The following DLG4 variants were observed in gnomAD, a reference collection of about 807,000 sequenced individuals.
The protein encoded by DLG4 is disks large homolog 4.
In DLG4, 7 loss-of-function variants were observed where a neutral mutation model predicts 93.8. The observed-to-expected ratio is 0.07, with a 90% confidence interval of 0.04 to 0.14. The LOEUF (loss-of-function observed/expected upper bound fraction) is 0.14. Ranked by LOEUF, DLG4 falls within the 10% of genes least tolerant of loss-of-function variation. The pLI is 1.00. For missense variants in DLG4, 545 were observed against 992.9 expected (o/e 0.55, Z 6.06); for synonymous variants, 341 against 387.6 (o/e 0.88, Z 1.41).
rs773424801 is a variant in DLG4, at chr17:7,196,669, C to T, written c.1083+88G>A. 4.0e-4 allele frequency: 629 copies of T among 1,584,566 alleles called. 1 individual carries two copies. In the Middle Eastern group the frequency reaches 5.2e-3, roughly 13 times the overall value. On this transcript the variant is annotated intron_variant, in intron 9 of 19. Transcript: ENST00000399506. The surrounding 1 kb of genome is among the most constrained non-coding windows in gnomAD (Gnocchi z 8.3). ...GGAGTGGTCCCGCAAGAGGACTCGG[C>T]TGCAGCCCATCCAGGCCCCTCCCCA... is the stretch of plus-strand genomic sequence containing the variant.
At chr17:7,198,931 G>T (rs1027014615) in intron 8 of DLG4, among the ~76,000 whole-genome samples, 1 of 151,704 alleles carries the variant, frequency 6.6e-6, no homozygotes. Flanking sequence ...TGGGAGGATC[G>T]CTTGAGCCCA....
Position 7,192,820 on chromosome 17 carries a change from G to A in DLG4, c.1866+125C>T. On this transcript the variant is annotated intron_variant, in intron 17 of 19. Transcript: ENST00000399506. The stretch of plus-strand genomic sequence containing the variant: ...AGTTGCCCAAGAGGAGAAGGAGGTG[G>A]AGGAGCGGAGTGGAGACCCAGCAGG... 8 of 1,056,602 alleles carry A rather than the reference G, an allele frequency of 7.6e-6. 1 individual carries two copies. In the South Asian group the frequency reaches 1.3e-4, roughly 17 times the overall value. 65.5% of individuals were successfully genotyped at this position (1,056,602 alleles called of 1,614,324 possible).
At chr17:7,219,287 C>A, upstream of DLG4, 1 of 621,060 alleles carries the variant, frequency 1.6e-6, no homozygotes, top group Non-Finnish European at 2.1e-6. Context: ...CGGGAGGAAT[C>A]CATCTGCCTG....
At chr17:7,213,316 T>C (rs1597495475) in intron 1 of DLG4, among the ~76,000 whole-genome samples, 1 of 151,914 alleles carries the variant, frequency 6.6e-6, no homozygotes, top group Admixed American at 6.6e-5. Flanking sequence ...GCCAGGCTGG[T>C]CTCGAACTCG....
chr17:7,192,626 C>G lies in DLG4; in HGVS notation c.1866+319G>C, dbSNP rs554068447. ...GGGAGTCAGGAAAAAGGGAGGGACC[C>G]AGTGGGGAAGGCCAAGCCACCAAAG... On this transcript the variant is annotated intron_variant, in intron 17 of 19. Coordinates refer to ENST00000399506, the MANE Select transcript of DLG4 (RefSeq NM_001321075.3). Among the ~76,000 whole-genome samples the G allele has an allele frequency of 2.0e-4, 30 of 150,944 alleles. No homozygotes were observed. In the South Asian group the frequency reaches 3.8e-3, roughly 19 times the overall value.
chr17:7,192,823 G>A (rs2069575137), intron 17 of DLG4, 122 bp downstream of exon 17: 3 of 1,074,670 alleles, frequency 2.8e-6, no homozygotes, highest in South Asian at 3.2e-5. Flanking sequence ...GGAGGTGGAG[G>A]AGCGGAGTGG....
upstream of DLG4, chr17:7,217,813 G>A (rs1441310624): frequency 2.6e-6 from 4 of 1,534,992 alleles, no homozygotes; most frequent in Non-Finnish European, 2.6e-6. Context: ...CAGCAAAGAC[G>A]ATGAGGCTGG....
At chr17:7,219,449 T>A, upstream of DLG4, 1 of 1,027,864 alleles carries the variant, frequency 9.7e-7, no homozygotes, top group South Asian at 3.6e-5. Context: ...ATGGCCTACA[T>A]CTCAGAAGAA....
chr17:7,213,717 A>C (rs113945616), intron 1 of DLG4: 8 of 466,936 alleles, frequency 1.7e-5, no homozygotes, highest in Non-Finnish European at 4.5e-6. Flanking sequence ...AGCTCTTAAA[A>C]CCCAGTGAGG....
chr17:7,203,833 A>G lies in DLG4; in HGVS notation c.211-17T>C, dbSNP rs1163433289. 3.7e-6 allele frequency: 6 copies of G among 1,613,008 alleles called. No homozygotes were observed. Among genetic ancestry groups the G allele is most frequent in the Non-Finnish European group, 5.1e-6 (6 of 1,179,514 alleles). ...TGAGTTACCCTGGGTGAAGGAGGGG[A>G]AGAGGGTCAGCTCCCCTCACTGCCC... On this transcript the variant is annotated splice_polypyrimidine_tract_variant and intron_variant, in intron 4 of 19. Coordinates refer to ENST00000399506, the MANE Select transcript of DLG4 (RefSeq NM_001321075.3). The surrounding 1 kb of genome is among the most constrained non-coding windows in gnomAD (Gnocchi z 7.2).
chr17:7,210,399 T>C (rs1306729976), intron 1 of DLG4, among the ~76,000 whole-genome samples: 1 of 152,214 alleles, frequency 6.6e-6, no homozygotes, highest in Non-Finnish European at 1.5e-5. Context: ...AGATTGAGTC[T>C]ATTCTCTGGG....
intron 1 of DLG4, among the ~76,000 whole-genome samples, chr17:7,212,057 C>A (rs938152163): frequency 6.6e-6 from 1 of 152,036 alleles, no homozygotes; most frequent in Non-Finnish European, 1.5e-5. Flanking sequence ...CATCTAATCC[C>A]CCAACCCCAA....
chr17:7,205,773 C>G, intron 2 of DLG4, among the ~76,000 whole-genome samples: 1 of 140,484 alleles, frequency 7.1e-6, no homozygotes, highest in Non-Finnish European at 1.6e-5. Flanking sequence ...CGCAGCCCGT[C>G]CCCCATCCCG....
At chr17:7,201,467 G>A (rs2070131361) in intron 8 of DLG4, among the ~76,000 whole-genome samples, 1 of 152,194 alleles carries the variant, frequency 6.6e-6, no homozygotes, top group South Asian at 2.1e-4. Flanking sequence ...ACAAGGCACA[G>A]AACAACCCCC....
At chr17:7,212,547 G>A (rs1373626116) in intron 1 of DLG4, among the ~76,000 whole-genome samples, 1 of 152,072 alleles carries the variant, frequency 6.6e-6, no homozygotes. Context: ...TTCCTAATAT[G>A]CCAGTCTCCA....
At chr17:7,206,682 A>G (rs1323020419) in intron 2 of DLG4, among the ~76,000 whole-genome samples, 1 of 151,994 alleles carries the variant, frequency 6.6e-6, no homozygotes. Context: ...TGTCAGCCTC[A>G]TTCACTGCCC....
At chr17:7,205,641 A>G (rs1280057512) in intron 2 of DLG4, among the ~76,000 whole-genome samples, 2 of 151,912 alleles carry the variant, frequency 1.3e-5, no homozygotes, top group Non-Finnish European at 2.9e-5. Context: ...CATATCAGCA[A>G]ATGCTGTTGT....
chr17:7,219,402 CCTA>C, upstream of DLG4: 2 of 1,015,310 alleles, frequency 2.0e-6, no homozygotes, highest in Non-Finnish European at 2.4e-6. Context: ...GGGGGGTCTT[CCTA>C]CTGTGAAACT....
At chr17:7,210,473 G>A (rs1286012064) in intron 1 of DLG4, among the ~76,000 whole-genome samples, 1 of 152,186 alleles carries the variant, frequency 6.6e-6, no homozygotes, top group African/African-American at 2.4e-5. Context: ...AAGTAGAGAA[G>A]GAAAATAGGA....
Sources: allele counts gnomAD v4.1 joint callset (sites outside exome capture counted in the v4.1 genomes callset), GRCh38; gene constraint gnomAD v4.1.1; non-coding constraint Gnocchi (gnomAD v3.1); transcripts MANE v1.5; gene names NCBI Gene and HGNC (gene_info 2026-07-23, HGNC 2026-07-21).